Variants in FRMD5 observed in about 807,000 individuals in gnomAD.
FRMD5 encodes the protein FERM domain containing 5.
A neutral mutation model predicts 69.0 loss-of-function variants in FRMD5; 20 were observed. The observed-to-expected ratio is 0.29, with a 90% CI of 0.20 to 0.42. The LOEUF (loss-of-function observed/expected upper bound fraction) is 0.42, where lower values mean the gene tolerates loss of function less well. Among genes scored for constraint, FRMD5 ranks in the 10% least tolerant of loss-of-function variants. The probability of loss-of-function intolerance (pLI) is 1.00; values close to 1 mark genes in which losing one functional copy is unlikely to be tolerated. For missense variants in FRMD5, 595 were observed against 708.6 expected, an observed-to-expected ratio of 0.84 and a Z score of 1.82; for synonymous variants, 271 against 260.1, an observed-to-expected ratio of 1.04 and a Z score of -0.40.
At chr15:44,166,291 G>C (rs904030715) in intron 1 of FRMD5, among the ~76,000 whole-genome samples, 1 of 152,054 alleles carries the variant, frequency 6.6e-6, no homozygotes, top group Admixed American at 6.6e-5. Context: ...TTATATAATG[G>C]ATGATGATGA....
rs186074999 is a variant in FRMD5, at chr15:44,182,136, G to A, written c.102+12817C>T. The stretch of plus-strand genomic sequence containing the variant: ...AGCAATTTTCCTGCCTCAGCCTCCC[G>A]AGTAGCTGGGATTACAGGTGTGCGC... On this transcript the variant is annotated intron_variant, in intron 1 of 13. Transcript: ENST00000417257. Among the ~76,000 whole-genome samples the A allele has an allele frequency of 8.8e-3, 1,229 of 139,292 alleles. 15 individuals carry two copies. The highest frequency in any genetic ancestry group is 0.029 in the African/African-American group (1,075 of 37,238). The allele number at this position is 139,292 out of a possible 152,430, so 91.4% of individuals were successfully genotyped here. A position where few individuals can be genotyped will look rare whatever the true frequency, so the allele number is the denominator to read the frequency against.
intron 1 of FRMD5, among the ~76,000 whole-genome samples, chr15:43,996,423 G>A (rs1889927364): frequency 6.6e-6 from 1 of 152,164 alleles, no homozygotes; most frequent in South Asian, 2.1e-4. Context: ...GTTTGGGGAA[G>A]TGTGACGAGG....
chr15:43,897,576 C>T (rs920115310), intron 7 of FRMD5, among the ~76,000 whole-genome samples: 5 of 146,540 alleles, frequency 3.4e-5, no homozygotes, highest in Non-Finnish European at 7.5e-5. Context: ...GGCTAGGTGG[C>T]TGGATTATGA....
chr15:43,981,511 G>C (rs1017421679), intron 1 of FRMD5, among the ~76,000 whole-genome samples: 2 of 152,194 alleles, frequency 1.3e-5, no homozygotes, highest in Non-Finnish European at 2.9e-5. Context: ...AGAGGCAGGA[G>C]AAGCCAACAC....
chr15:44,184,353 C>T (rs911746982), intron 1 of FRMD5, among the ~76,000 whole-genome samples: 1 of 152,140 alleles, frequency 6.6e-6, no homozygotes, highest in East Asian at 1.9e-4. Context: ...CAGCTAAAGC[C>T]CAAGGTTTTC....
At chr15:43,984,726 G>A (rs1364574636) in intron 1 of FRMD5, among the ~76,000 whole-genome samples, 1 of 152,250 alleles carries the variant, frequency 6.6e-6, no homozygotes, top group Non-Finnish European at 1.5e-5. Context: ...GCTCACGCCT[G>A]TAATCCCAAC....
intron 1 of FRMD5, among the ~76,000 whole-genome samples, chr15:44,040,966 G>A (rs1166755339): frequency 1.3e-5 from 1 of 78,776 alleles, no homozygotes; most frequent in Non-Finnish European, 2.3e-5. Flanking sequence ...AAGGGATGGA[G>A]GAATATTTAC....
chr15:43,883,826 A>G lies in FRMD5; in HGVS notation c.1029-17T>C. The G allele has an allele frequency of 1.3e-6, 2 of 1,595,820 alleles. No individual in the cohort carries two copies. The highest frequency in any genetic ancestry group is 2.2e-5 in the East Asian group (1 of 44,764). On this transcript the variant is annotated splice_polypyrimidine_tract_variant and intron_variant, in intron 12 of 13. Coordinates refer to ENST00000417257, the MANE Select transcript of FRMD5 (RefSeq NM_032892.5). ...ATCCCTGCTCTGAGGTTAAAGAAAA[A>G]GAACCTTGTTAATTCAGTGCATGGA...
intron 1 of FRMD5, among the ~76,000 whole-genome samples, chr15:44,161,951 T>C (rs955210101): frequency 3.3e-5 from 5 of 152,150 alleles, no homozygotes; most frequent in African/African-American, 1.2e-4. Flanking sequence ...TGAAAGGTTA[T>C]AAGAAACTCA....
intron 1 of FRMD5, among the ~76,000 whole-genome samples, chr15:43,953,942 T>G (rs992071382): frequency 6.6e-6 from 1 of 152,222 alleles, no homozygotes; most frequent in African/African-American, 2.4e-5. Flanking sequence ...GTTAAATGAC[T>G]GCCTGAAGTT....
intron 1 of FRMD5, among the ~76,000 whole-genome samples, chr15:44,060,342 C>G (rs541918573): frequency 6.6e-6 from 1 of 152,234 alleles, no homozygotes; most frequent in Non-Finnish European, 1.5e-5. Context: ...GCGTGAAAAC[C>G]AAGGCAGTTC....
intron 4 of FRMD5, among the ~76,000 whole-genome samples, chr15:43,915,506 G>A (rs373310141): frequency 6.6e-6 from 1 of 152,016 alleles, no homozygotes; most frequent in Non-Finnish European, 1.5e-5. Flanking sequence ...TTCCTTGGAC[G>A]GCGGGGCCCC....
intron 7 of FRMD5, among the ~76,000 whole-genome samples, chr15:43,897,958 T>TC (rs978052325): frequency 3.9e-5 from 6 of 152,308 alleles, no homozygotes; most frequent in Admixed American, 3.3e-4. Context: ...CATGCCTGCT[T>TC]CCCCTTCCGC....
At chr15:44,032,946 A>T (rs1396778554) in intron 1 of FRMD5, among the ~76,000 whole-genome samples, 2 of 152,178 alleles carry the variant, frequency 1.3e-5, no homozygotes, top group Non-Finnish European at 2.9e-5. Context: ...CAGCAGAGAC[A>T]AGGAATCAAC....
intron 1 of FRMD5, among the ~76,000 whole-genome samples, chr15:44,172,835 G>C (rs914360694): frequency 6.6e-6 from 1 of 152,056 alleles, no homozygotes; most frequent in African/African-American, 2.4e-5. Flanking sequence ...CTCTTAACCA[G>C]GAAGAAAAGG....
chr15:44,195,264 C>G lies in FRMD5; in HGVS notation c.-210G>C, dbSNP rs966295390. The G allele has an allele frequency of 9.5e-6, 5 of 525,296 alleles. No individual in the cohort carries two copies. The highest frequency in any genetic ancestry group is 2.4e-5 in the South Asian group (1 of 41,066). The allele number at this position is 525,296 out of a possible 1,614,324, so 32.5% of individuals were successfully genotyped here. A position where few individuals can be genotyped will look rare whatever the true frequency, so the allele number is the denominator to read the frequency against. On this transcript the variant is annotated 5_prime_UTR_variant, in exon 1 of 14. Coordinates refer to ENST00000417257, the MANE Select transcript of FRMD5 (RefSeq NM_032892.5). ...CCTCCCCCCAGCCCAGATCAAGCGC[C>G]GGGCTCTGTCTCCTCGGCGCCCCAG... is the stretch of plus-strand genomic sequence containing the variant.
chr15:43,885,466 A>G (rs927074983), intron 11 of FRMD5, among the ~76,000 whole-genome samples: 2 of 152,140 alleles, frequency 1.3e-5, no homozygotes, highest in African/African-American at 4.8e-5. Context: ...ATGAGCCACT[A>G]TGGCCGGCCA....
intron 1 of FRMD5, among the ~76,000 whole-genome samples, chr15:44,103,539 T>C (rs948126510): frequency 5.9e-5 from 9 of 152,258 alleles, no homozygotes; most frequent in Non-Finnish European, 1.3e-4. Context: ...GGATAACTCA[T>C]ATGCCATACA....
chr15:43,958,856 T>C (rs980804734), intron 1 of FRMD5, among the ~76,000 whole-genome samples: 1 of 152,228 alleles, frequency 6.6e-6, no homozygotes, highest in Admixed American at 6.5e-5. Flanking sequence ...GTGGTCTCTA[T>C]GGCTATGTCA....
Sources: gnomAD v4.1 joint callset for allele counts (sites outside exome capture counted in the v4.1 genomes callset) on GRCh38, gnomAD v4.1.1 for gene constraint, MANE v1.5 for transcripts, NCBI Gene and HGNC (gene_info 2026-07-23, HGNC 2026-07-21) for gene names.